CCDC178: variants seen among roughly 807,000 people sequenced by gnomAD.
The protein encoded by CCDC178 is coiled-coil domain-containing protein 178.
Under a neutral mutation model 117.4 loss-of-function variants are expected in CCDC178, and 126 were observed. That is an observed-to-expected ratio of 1.07 (90% CI 0.93 to 1.24). The LOEUF (loss-of-function observed/expected upper bound fraction) is 1.24, where lower values mean the gene tolerates loss of function less well. Among genes scored for constraint, CCDC178 ranks in the 50% most tolerant of loss-of-function variants. The pLI is 0.00. For missense variants in CCDC178, 1,030 were observed against 986.9 expected (o/e 1.04, Z -0.59); for synonymous variants, 283 against 313.4 (o/e 0.90, Z 1.02).
At chr18:33,382,967 A>G (rs994958473) in intron 5 of CCDC178, among the ~76,000 whole-genome samples, 1 of 152,054 alleles carries the variant, frequency 6.6e-6, no homozygotes, top group Non-Finnish European at 1.5e-5. Flanking sequence ...TTGCCCTGGG[A>G]TGACTGAGTT....
At chr18:33,426,910 T>G (rs1483546030) in intron 2 of CCDC178, among the ~76,000 whole-genome samples, 1 of 152,076 alleles carries the variant, frequency 6.6e-6, no homozygotes, top group African/African-American at 2.4e-5. Context: ...AAATCAAAGT[T>G]TGAGTTATTG....
intron 22 of CCDC178, among the ~76,000 whole-genome samples, chr18:32,941,854 T>A (rs2054246368): frequency 6.6e-6 from 1 of 152,130 alleles, no homozygotes; most frequent in Non-Finnish European, 1.5e-5. Flanking sequence ...TTTGATGTGA[T>A]CACATCAAGG....
At chr18:33,066,405 A>T (rs1316470594) in intron 21 of CCDC178, among the ~76,000 whole-genome samples, 1 of 152,214 alleles carries the variant, frequency 6.6e-6, no homozygotes, top group African/African-American at 2.4e-5. Flanking sequence ...TGTAAAGGTA[A>T]ACAATGAATG....
chr18:33,059,945 C>CTTATGTAAG (rs2056896142), intron 21 of CCDC178, among the ~76,000 whole-genome samples: 2 of 152,160 alleles, frequency 1.3e-5, no homozygotes, highest in African/African-American at 4.8e-5. Flanking sequence ...ATGTCTTTGA[C>CTTATGTAAG]TCTCCTTTCC....
At chr18:33,246,977 G>A (rs999875738) in intron 14 of CCDC178, among the ~76,000 whole-genome samples, 14 of 151,826 alleles carry the variant, frequency 9.2e-5, no homozygotes, top group Non-Finnish European at 1.5e-4. Flanking sequence ...AGTAGGGTGA[G>A]GTAGAAGCAA....
At chr18:33,349,155 C>T (rs146795924) in intron 7 of CCDC178, among the ~76,000 whole-genome samples, 180 bp from the exon 8 acceptor site, 2,006 of 151,678 alleles carry the variant, frequency 0.013, 14 homozygotes, top group Non-Finnish European at 0.016. Flanking sequence ...TTACACTTAA[C>T]GGTAAATTAA....
chr18:32,964,352 A>G (rs1283035208), intron 22 of CCDC178, among the ~76,000 whole-genome samples: 1 of 151,988 alleles, frequency 6.6e-6, no homozygotes, highest in South Asian at 2.1e-4. Context: ...AAGTTGTCCA[A>G]GCATTTATTT....
chr18:32,964,945 G>A (rs927332474), intron 22 of CCDC178, among the ~76,000 whole-genome samples: 7 of 151,778 alleles, frequency 4.6e-5, no homozygotes, highest in Admixed American at 2.6e-4. Flanking sequence ...AGAACAGAGC[G>A]GGACTGTATC....
intron 21 of CCDC178, among the ~76,000 whole-genome samples, chr18:33,008,313 C>A (rs2055791672): frequency 6.6e-6 from 1 of 152,042 alleles, no homozygotes; most frequent in Non-Finnish European, 1.5e-5. Context: ...TTGAAGTAAC[C>A]AGAAAACATT....
chr18:33,313,233 TA>T lies in CCDC178; in HGVS notation c.1022+10257del, dbSNP rs537884156. On this transcript the variant is annotated intron_variant, in intron 11 of 22. Coordinates refer to ENST00000383096, the MANE Select transcript of CCDC178 (RefSeq NM_001105528.4). Reference sequence around the variant, plus strand: ...ATGTTAACCTTTGTTAATAAACAGGTAAAAAAATGGTGTTATTTTAAGGTTA... The same window carrying T: ...ATGTTAACCTTTGTTAATAAACAGGTAAAAAATGGTGTTATTTTAAGGTTA... 3.3e-5 allele frequency among the ~76,000 whole-genome samples: 5 copies of T among 152,182 alleles called. No homozygotes were observed. In the East Asian group the frequency reaches 9.7e-4, roughly 29 times the overall value.
intron 10 of CCDC178, among the ~76,000 whole-genome samples, chr18:33,329,430 C>A (rs964481449): frequency 1.3e-4 from 20 of 152,208 alleles, no homozygotes; most frequent in African/African-American, 4.8e-4. Flanking sequence ...GTGGGTTTTA[C>A]AAAAATGTCC....
chr18:33,326,842 T>G (rs1216618224), intron 10 of CCDC178, among the ~76,000 whole-genome samples: 6 of 151,950 alleles, frequency 3.9e-5, no homozygotes, highest in Non-Finnish European at 8.8e-5. Flanking sequence ...TCCCAGGTAT[T>G]GGGTTGTGCA....
At chr18:33,405,383 G>A (rs1159880666) in intron 3 of CCDC178, among the ~76,000 whole-genome samples, 1 of 151,306 alleles carries the variant, frequency 6.6e-6, no homozygotes, top group Admixed American at 6.6e-5. Flanking sequence ...CATATTTTTT[G>A]TATTTCCAAA....
intron 20 of CCDC178, among the ~76,000 whole-genome samples, chr18:33,199,717 T>C (rs1201147435): frequency 3.3e-5 from 5 of 152,160 alleles, no homozygotes; most frequent in Admixed American, 3.3e-4. Flanking sequence ...TGATATTTCT[T>C]CTCCAAGGTT....
chr18:33,019,565 A>G (rs982841556), intron 21 of CCDC178, among the ~76,000 whole-genome samples: 1 of 152,148 alleles, frequency 6.6e-6, no homozygotes, highest in Non-Finnish European at 1.5e-5. Context: ...CCCATTGCTA[A>G]TTATCTTTAA....
intron 20 of CCDC178, among the ~76,000 whole-genome samples, chr18:33,141,048 T>C (rs2058197698): frequency 6.6e-6 from 1 of 152,148 alleles, no homozygotes; most frequent in Non-Finnish European, 1.5e-5. Context: ...TTGCCATCTA[T>C]GTAAGACATG....
At chr18:33,011,570 T>A (rs1264391074) in intron 21 of CCDC178, among the ~76,000 whole-genome samples, 1 of 151,744 alleles carries the variant, frequency 6.6e-6, no homozygotes, top group Non-Finnish European at 1.5e-5. Context: ...CTCAGGCCTC[T>A]ATGGTTCCAC....
chr18:33,136,912 A>G (rs28533533), intron 20 of CCDC178, among the ~76,000 whole-genome samples: 52 of 152,310 alleles, frequency 3.4e-4, no homozygotes, highest in African/African-American at 1.2e-3. Context: ...TTAAGCACCT[A>G]TTAGGTGCCA....
intron 2 of CCDC178, among the ~76,000 whole-genome samples, chr18:33,433,790 T>TTGTGTGTGTGTGTG (rs5823897): frequency 6.0e-5 from 9 of 149,402 alleles, no homozygotes; most frequent in African/African-American, 2.2e-4. Context: ...ATAGCAGAAT[T>TTGTGTGTGTGTGTG]TGTGTGTGTG....
Sources: allele counts gnomAD v4.1 joint callset (sites outside exome capture counted in the v4.1 genomes callset), GRCh38; gene constraint gnomAD v4.1.1; transcripts MANE v1.5; gene names NCBI Gene and HGNC (gene_info 2026-07-23, HGNC 2026-07-21).